The following C4orf36 variants were observed in gnomAD, a reference collection of about 807,000 sequenced individuals.
C4orf36 encodes the protein chromosome 4 open reading frame 36.
In C4orf36, 11 loss-of-function variants were observed where a neutral mutation model predicts 12.2. The ratio of observed to expected loss-of-function variants is 0.90; its 90% confidence interval spans 0.57 to 1.49. C4orf36 has a LOEUF of 1.49. C4orf36 is among the 40% of genes most tolerant of loss of function. The pLI is 0.00. For synonymous variants in C4orf36, 54 were observed against 51.3 expected (o/e 1.05, Z -0.22); for missense variants, 137 against 133.9 (o/e 1.02, Z -0.11).
chr4:86,934,249 G>A, the C4orf36 span, among the ~76,000 whole-genome samples: 1 of 152,140 alleles, frequency 6.6e-6, no homozygotes, highest in Non-Finnish European at 1.5e-5. Flanking sequence ...AGGAAGGTGC[G>A]ACAACACAAT....
the C4orf36 span, among the ~76,000 whole-genome samples, chr4:86,918,208 G>A: frequency 6.6e-6 from 1 of 152,156 alleles, no homozygotes; most frequent in African/African-American, 2.4e-5. Flanking sequence ...CTATCACCTT[G>A]GGGGTAAGGA....
upstream of C4orf36, chr4:86,892,462 T>C: frequency 1.0e-6 from 1 of 985,120 alleles, no homozygotes; most frequent in Non-Finnish European, 1.2e-6. Flanking sequence ...ACAAAGGGCT[T>C]TGTGGGGCCC....
chr4:86,934,332 C>T, the C4orf36 span, among the ~76,000 whole-genome samples: 1 of 152,118 alleles, frequency 6.6e-6, no homozygotes, highest in Non-Finnish European at 1.5e-5. Flanking sequence ...ACATAAGTTT[C>T]CCCTTCTTCC....
chr4:86,935,953 G>C, the C4orf36 span: 1 of 152,322 alleles, frequency 6.6e-6, no homozygotes, highest in South Asian at 2.1e-4. Context: ...CGAATGAGAG[G>C]GGAGAGAAGG....
At chr4:86,876,529 G>A in intron 4 of C4orf36, 86 bp from the exon 5 acceptor site, 1 of 1,613,876 alleles carries the variant, frequency 6.2e-7, no homozygotes, top group African/African-American at 1.3e-5. Context: ...ATGTCGGATT[G>A]TGTGAAGCTA....
chr4:86,930,015 A>T, the C4orf36 span, among the ~76,000 whole-genome samples: 1 of 152,242 alleles, frequency 6.6e-6, no homozygotes. Context: ...TCTGGAACTT[A>T]GAAGAGAGAT....
intron 4 of C4orf36, among the ~76,000 whole-genome samples, chr4:86,878,818 T>A (rs1746981551): frequency 6.6e-6 from 1 of 152,170 alleles, no homozygotes; most frequent in South Asian, 2.1e-4. Flanking sequence ...CTCCACAGTT[T>A]GTTACAGCAC....
chr4:86,914,717 TGTGCACTTG>T, the C4orf36 span: 1 of 414,132 alleles, frequency 2.4e-6, no homozygotes, highest in South Asian at 2.0e-5. Context: ...TTCTTATAGA[TGTGCACTTG>T]GTGATTATTG....
chr4:86,914,242 CA>C, the C4orf36 span: 1 of 1,602,220 alleles, frequency 6.2e-7, no homozygotes, highest in Non-Finnish European at 8.6e-7. Flanking sequence ...TTACAGACAC[CA>C]TCTTTCTGAC....
chr4:86,898,263 G>A, the C4orf36 span, among the ~76,000 whole-genome samples: 9 of 152,272 alleles, frequency 5.9e-5, no homozygotes, highest in Admixed American at 3.9e-4. Flanking sequence ...GTGATGGCAC[G>A]TGCCTGTAGT....
chr4:86,898,368 G>T, the C4orf36 span, among the ~76,000 whole-genome samples: 11 of 151,778 alleles, frequency 7.2e-5, no homozygotes, highest in African/African-American at 2.7e-4. Flanking sequence ...CCCCAGTCTG[G>T]GTGACAGAGC....
chr4:86,914,442 C>G, the C4orf36 span: 1 of 665,996 alleles, frequency 1.5e-6, no homozygotes, highest in Admixed American at 2.9e-5. Context: ...GCTCTATCGC[C>G]CAGGCTGGAG....
chr4:86,908,617 TCCCCCTCCCTC>T, the C4orf36 span, among the ~76,000 whole-genome samples: 1 of 150,162 alleles, frequency 6.7e-6, no homozygotes, highest in Non-Finnish European at 1.5e-5. Flanking sequence ...TCTCTCTCTC[TCCCCCTCCCTC>T]CCCCTCCTCA....
the C4orf36 span, chr4:86,913,793 GC>G: frequency 8.4e-7 from 1 of 1,194,350 alleles, no homozygotes; most frequent in Non-Finnish European, 1.2e-6. Context: ...GCATCTTGCT[GC>G]CCCAGTGCAT....
chr4:86,891,326 C>A, intron 2 of C4orf36, 130 bp downstream of exon 2: 5 of 589,518 alleles, frequency 8.5e-6, no homozygotes, highest in Admixed American at 3.5e-5. Context: ...AGATCCCAGA[C>A]ACCTCAAAAT....
chr4:86,893,292 C>T (rs1187281564), upstream of C4orf36, among the ~76,000 whole-genome samples: 1 of 152,144 alleles, frequency 6.6e-6, no homozygotes, highest in African/African-American at 2.4e-5. Context: ...ATGGGCCAGG[C>T]ACGGTGGATG....
upstream of C4orf36, among the ~76,000 whole-genome samples, chr4:86,894,950 A>T (rs1747556897): frequency 6.6e-6 from 1 of 152,202 alleles, no homozygotes; most frequent in Non-Finnish European, 1.5e-5. Context: ...TTCGTGAGAA[A>T]TTCTGAGCCA....
chr4:86,884,198 T>G (rs974109706), intron 4 of C4orf36, among the ~76,000 whole-genome samples: 1 of 152,120 alleles, frequency 6.6e-6, no homozygotes, highest in African/African-American at 2.4e-5. Flanking sequence ...TAAGACCTTC[T>G]GTGTATTTTC....
chr4:86,892,629 A>G (rs1162210626), upstream of C4orf36, among the ~76,000 whole-genome samples: 1 of 152,212 alleles, frequency 6.6e-6, no homozygotes, highest in South Asian at 2.1e-4. Context: ...ACGCTTTCCA[A>G]TGTAGGGGGC....
Sources: gnomAD v4.1 joint callset for allele counts (sites outside exome capture counted in the v4.1 genomes callset) on GRCh38, gnomAD v4.1.1 for gene constraint, MANE v1.5 for transcripts, NCBI Gene and HGNC (gene_info 2026-07-23, HGNC 2026-07-21) for gene names.